Variants in PDLIM5 observed in about 807,000 individuals in gnomAD.
The protein encoded by PDLIM5 is PDZ and LIM domain protein 5.
Under a neutral mutation model 64.2 loss-of-function variants are expected in PDLIM5, and 34 were observed. That is an observed-to-expected ratio of 0.53 (90% CI 0.40 to 0.71). The LOEUF (loss-of-function observed/expected upper bound fraction) is 0.71. Among genes scored for constraint, PDLIM5 ranks in the 30% least tolerant of loss-of-function variants. PDLIM5 has a pLI of 0.00. For missense variants in PDLIM5, 683 were observed against 733.6 expected, an observed-to-expected ratio of 0.93 and a Z score of 0.80; for synonymous variants, 253 against 269.1, an observed-to-expected ratio of 0.94 and a Z score of 0.59.
chr4:94,552,002 CT>C (rs1732853214), intron 3 of PDLIM5, among the ~76,000 whole-genome samples: 1 of 152,102 alleles, frequency 6.6e-6, no homozygotes, highest in Non-Finnish European at 1.5e-5. Flanking sequence ...GTAAAGTTTA[CT>C]TAAACTAAGG....
In PDLIM5 at chr4:94,646,025, G is replaced by A. The variant is rs72880442; in HGVS notation, c.1283+5575G>A. ...TTCTTAAACTCATGTAGATTACTTG[G>A]GGCTCACTTTTCTAGTTTCTCATCT... On this transcript the variant is annotated intron_variant, in intron 9 of 12. Coordinates refer to ENST00000317968, the MANE Select transcript of PDLIM5 (RefSeq NM_006457.5). 4.0e-3 allele frequency among the ~76,000 whole-genome samples: 615 copies of A among 152,144 alleles called. 5 individuals are homozygous for A. Among genetic ancestry groups the A allele is most frequent in the African/African-American group, 0.013 (547 of 41,496 alleles).
In PDLIM5 at chr4:94,589,029, A is replaced by T. The variant is rs147671108; in HGVS notation, c.920+2585A>T. On this transcript the variant is annotated intron_variant, in intron 7 of 12. Coordinates refer to ENST00000317968, the MANE Select transcript of PDLIM5 (RefSeq NM_006457.5). Reference sequence around the variant, plus strand: ...TTGTGTTTTTATGATGCTGACATCAATCCCAGTTATAACTGTGTCTCTGGC... The same window carrying T: ...TTGTGTTTTTATGATGCTGACATCATTCCCAGTTATAACTGTGTCTCTGGC... 4.2e-3 allele frequency among the ~76,000 whole-genome samples: 642 copies of T among 152,328 alleles called. 1 individual carries two copies. Among genetic ancestry groups the T allele is most frequent in the African/African-American group, 0.014 (596 of 41,566 alleles).
chr4:94,622,157 C>A (rs1739287688), intron 8 of PDLIM5, among the ~76,000 whole-genome samples: 1 of 152,138 alleles, frequency 6.6e-6, no homozygotes, highest in Non-Finnish European at 1.5e-5. Flanking sequence ...ATAACAACAA[C>A]AAAATCATCT....
At position 94,585,601 on chromosome 4, in the gene PDLIM5, G is replaced by C. The variant is rs777419024; in HGVS notation, c.747G>C (p.Glu249Asp). The C allele has an allele frequency of 3.1e-6, 5 of 1,612,508 alleles. No individual in the cohort carries two copies. The Admixed American group carries it at 8.4e-5, about 27-fold the overall frequency. Residue 249 changes from glutamate (E) to aspartate (D), a missense_variant, in exon 6 of 13, where the codon GAG becomes GAC. Physicochemically the swap from Glu to Asp is conservative, Grantham distance 45. Coordinates refer to ENST00000317968, the MANE Select transcript of PDLIM5 (RefSeq NM_006457.5). ...PRKHIVERYT[E>D]FYHVPTHSDA... ...AACACATTGTGGAGCGCTATACAGA[G>C]TTTTATCATGTACCCACTCACAGTG...
Position 94,527,046 on chromosome 4 carries a change from CTTTTTTTTTTTTTTT to C in PDLIM5, c.248+3185_248+3199del, listed in dbSNP as rs57625095. ...CATTGCGCCCGGCCTGAACAGCATT[CTTTTTTTTTTTTTTT>C]TTTTTTTTTTTTTGAGACAGAGTCT... is the stretch of plus-strand genomic sequence containing the variant. On this transcript the variant is annotated intron_variant, in intron 3 of 12. Transcript: ENST00000317968. Among the ~76,000 whole-genome samples the C allele has an allele frequency of 4.6e-3, 268 of 57,820 alleles. 3 individuals carry two copies. Among genetic ancestry groups the C allele is most frequent in the African/African-American group, 0.017 (237 of 13,892 alleles). The allele number at this position is 57,820 out of a possible 152,430, so 37.9% of individuals were successfully genotyped here.
intron 2 of PDLIM5, among the ~76,000 whole-genome samples, chr4:94,494,878 A>T (rs891396694): frequency 1.3e-5 from 2 of 152,004 alleles, no homozygotes; most frequent in African/African-American, 4.8e-5. Context: ...CCTCCCGAGT[A>T]GCTGGGATTA....
intron 3 of PDLIM5, among the ~76,000 whole-genome samples, chr4:94,565,626 A>G (rs11735827): frequency 0.069 from 10,547 of 152,204 alleles, 548 homozygotes; most frequent in African/African-American, 0.14. Context: ...AGAACACCCA[A>G]TTTAGCACCA....
chr4:94,606,583 T>C (rs572109539), intron 7 of PDLIM5, among the ~76,000 whole-genome samples: 27 of 152,296 alleles, frequency 1.8e-4, no homozygotes, highest in Non-Finnish European at 3.5e-4. Flanking sequence ...GACATAATGC[T>C]GAAGAACAGG....
chr4:94,569,028 A>T (rs1734579124), intron 3 of PDLIM5, among the ~76,000 whole-genome samples: 1 of 152,002 alleles, frequency 6.6e-6, no homozygotes, highest in Non-Finnish European at 1.5e-5. Context: ...ATCTTTGTTG[A>T]TTCTTATTCT....
intron 9 of PDLIM5, among the ~76,000 whole-genome samples, chr4:94,653,048 G>A (rs1160409179): frequency 6.6e-6 from 1 of 152,090 alleles, no homozygotes; most frequent in African/African-American, 2.4e-5. Flanking sequence ...GATACTCATT[G>A]CTATGACTTC....
chr4:94,503,987 T>A (rs536537083), intron 2 of PDLIM5, among the ~76,000 whole-genome samples: 9 of 152,330 alleles, frequency 5.9e-5, no homozygotes, highest in Non-Finnish European at 1.3e-4. Flanking sequence ...AATTTAAATA[T>A]CCTGTTTAGA....
chr4:94,634,229 G>A (rs935799566), intron 8 of PDLIM5, among the ~76,000 whole-genome samples: 6 of 152,058 alleles, frequency 3.9e-5, no homozygotes, highest in Non-Finnish European at 8.8e-5. Context: ...AAGAGTAGAA[G>A]CAAGGAGATC....
chr4:94,463,902 A>G (rs1230444756), intron 2 of PDLIM5, among the ~76,000 whole-genome samples: 1 of 152,198 alleles, frequency 6.6e-6, no homozygotes, highest in Non-Finnish European at 1.5e-5. Flanking sequence ...AACTGAAATC[A>G]GGTAGGTTTA....
At chr4:94,529,764 A>G (rs1578317016) in intron 3 of PDLIM5, among the ~76,000 whole-genome samples, 1 of 152,160 alleles carries the variant, frequency 6.6e-6, no homozygotes, top group Non-Finnish European at 1.5e-5. Context: ...TGGAAAAAAC[A>G]TATTTTTTTC....
intron 4 of PDLIM5, 73 bp downstream of exon 4, chr4:94,573,466 C>A: frequency 4.5e-6 from 5 of 1,109,316 alleles, no homozygotes; most frequent in Non-Finnish European, 6.9e-6. Flanking sequence ...CCATTACTGT[C>A]TCAGACCATA....
At chr4:94,527,043 A>ATTTTT (rs1276607125) in intron 3 of PDLIM5, among the ~76,000 whole-genome samples, 4 of 94,302 alleles carry the variant, frequency 4.2e-5, no homozygotes, top group Non-Finnish European at 8.7e-5. Flanking sequence ...CCTGAACAGC[A>ATTTTT]TTCTTTTTTT....
At chr4:94,457,350 T>G (rs1040076615) in intron 2 of PDLIM5, among the ~76,000 whole-genome samples, 2 of 152,206 alleles carry the variant, frequency 1.3e-5, no homozygotes, top group Non-Finnish European at 1.5e-5. Flanking sequence ...TAGATGAAAT[T>G]TTAAATGTAA....
At chr4:94,567,354 ATTAC>A (rs1734431072) in intron 3 of PDLIM5, among the ~76,000 whole-genome samples, 1 of 152,192 alleles carries the variant, frequency 6.6e-6, no homozygotes, top group African/African-American at 2.4e-5. Flanking sequence ...TGCAAGTTTT[ATTAC>A]TTTTATATTA....
intron 2 of PDLIM5, among the ~76,000 whole-genome samples, chr4:94,498,472 G>T (rs767322085): frequency 3.1e-4 from 46 of 147,166 alleles, no homozygotes; most frequent in Non-Finnish European, 6.3e-4. Flanking sequence ...GTTGAGACAT[G>T]CATGTCACTT....
Sources: allele counts gnomAD v4.1 joint callset (sites outside exome capture counted in the v4.1 genomes callset), GRCh38; gene constraint gnomAD v4.1.1; transcripts MANE v1.5; gene names NCBI Gene and HGNC (gene_info 2026-07-23, HGNC 2026-07-21).